Variants in PLEKHM1 observed in about 807,000 individuals in gnomAD.
PLEKHM1 encodes pleckstrin homology domain-containing family M member 1.
A neutral mutation model predicts 94.3 loss-of-function variants in PLEKHM1; 28 were observed. That is an observed-to-expected ratio of 0.30 (90% CI 0.22 to 0.41). PLEKHM1 has a LOEUF of 0.41. Ranked by LOEUF, PLEKHM1 falls within the 10% of genes least tolerant of loss-of-function variation. The pLI is 1.00. For missense variants in PLEKHM1, 907 were observed against 1,358.6 expected (o/e 0.67, Z 5.22); for synonymous variants, 424 against 581.2 (o/e 0.73, Z 3.89).
chr17:45,442,236 A>C (rs1474797861), intron 9 of PLEKHM1, among the ~76,000 whole-genome samples: 2 of 151,538 alleles, frequency 1.3e-5, no homozygotes, highest in East Asian at 1.9e-4. Context: ...CTCCTCCCTG[A>C]CTCCCTGACA....
rs958850744 is a variant in PLEKHM1 at position 45,453,086 on chromosome 17, G to A, written c.2497+269C>T. The A allele has an allele frequency of 2.8e-5, 17 of 598,522 alleles. No homozygotes were observed. Among genetic ancestry groups the A allele is most frequent in the East Asian group, 1.1e-4 (4 of 35,768 alleles). The allele number at this position is 598,522 out of a possible 1,614,324, so 37.1% of individuals were successfully genotyped here. ...AGCAGGCTGGGACTCCCTGAGCAGC[G>A]CAGTGAGTAGCCAGCCTGCCGCCCA... On this transcript the variant is annotated intron_variant, in intron 7 of 11. Coordinates refer to ENST00000430334, the MANE Select transcript of PLEKHM1 (RefSeq NM_014798.3). The surrounding 1 kb of genome is among the most constrained non-coding windows in gnomAD (Gnocchi z 4.1).
Position 45,440,229 on chromosome 17 carries a change from T to C in PLEKHM1, c.2838-3A>G, listed in dbSNP as rs1186108288. ...AGAGATAATTCCTGTGGTTGAGCCT[T>C]CAAACAAAACACAAGCGATTCTTTA... is the stretch of plus-strand genomic sequence containing the variant. On this transcript the variant is annotated splice_region_variant and splice_polypyrimidine_tract_variant and intron_variant, in intron 9 of 11. Transcript: ENST00000430334. The C allele has an allele frequency of 6.2e-7, 1 of 1,613,872 alleles. No individual in the cohort carries two copies. The highest frequency in any genetic ancestry group is 2.2e-5 in the East Asian group (1 of 44,892).
intron 1 of PLEKHM1, among the ~76,000 whole-genome samples, chr17:45,488,924 A>G (rs1284066741): frequency 2.6e-5 from 4 of 152,220 alleles, no homozygotes; most frequent in Non-Finnish European, 5.9e-5. Flanking sequence ...GGGGAACAAG[A>G]GTAAACTCCG....
chr17:45,453,274 G>A lies in PLEKHM1; in HGVS notation c.2497+81C>T, dbSNP rs2050826673. On this transcript the variant is annotated intron_variant, in intron 7 of 11. Transcript: ENST00000430334. This position sits in a 1 kb window ranked among gnomAD's most constrained non-coding sequence, Gnocchi z 4.1. ...TGGGGGCATTTGCGGGGAGGCAGAA[G>A]GGTGGGGAGCCTAAATCAGGAACCA... The A allele has an allele frequency of 7.0e-7, 1 of 1,438,132 alleles. No homozygotes were observed. The allele number at this position is 1,438,132 out of a possible 1,614,324, so 89.1% of individuals were successfully genotyped here.
intron 5 of PLEKHM1, among the ~76,000 whole-genome samples, chr17:45,466,393 T>C (rs1349619094): frequency 6.6e-6 from 1 of 152,128 alleles, no homozygotes; most frequent in Non-Finnish European, 1.5e-5. Flanking sequence ...ACAAAAAGAC[T>C]GATAAACTGC....
chr17:45,487,283 G>A (rs2052159825), intron 1 of PLEKHM1, among the ~76,000 whole-genome samples: 3 of 152,156 alleles, frequency 2.0e-5, no homozygotes, highest in Admixed American at 2.0e-4. Context: ...TCCCGTGAGA[G>A]AGTGATTATC....
chr17:45,437,555 C>G lies in PLEKHM1; in HGVS notation c.*303G>C. Reference sequence around the variant, plus strand: ...TTCCACAGTGTTTGGGCAGCCCTAACGGAGGCGCCGGGACGCTGGTGAGCC... The same window carrying G: ...TTCCACAGTGTTTGGGCAGCCCTAAGGGAGGCGCCGGGACGCTGGTGAGCC... On this transcript the variant is annotated 3_prime_UTR_variant, in exon 12 of 12. Coordinates refer to ENST00000430334, the MANE Select transcript of PLEKHM1 (RefSeq NM_014798.3). This position sits in a 1 kb window ranked among gnomAD's most constrained non-coding sequence, Gnocchi z 4.0. 3 of 616,572 alleles carry G rather than the reference C, an allele frequency of 4.9e-6. No homozygotes were observed. Among genetic ancestry groups the G allele is most frequent in the African/African-American group, 1.8e-5 (1 of 55,540 alleles). The allele number at this position is 616,572 out of a possible 1,614,324, so 38.2% of individuals were successfully genotyped here. A position where few individuals can be genotyped will look rare whatever the true frequency, so the allele number is the denominator to read the frequency against.
intron 4 of PLEKHM1, among the ~76,000 whole-genome samples, chr17:45,474,424 T>C (rs1160217431): frequency 6.6e-6 from 1 of 152,186 alleles, no homozygotes; most frequent in Admixed American, 6.5e-5. Flanking sequence ...CTAGTTCATC[T>C]GCCCCACATA....
intron 1 of PLEKHM1, among the ~76,000 whole-genome samples, chr17:45,489,781 G>A (rs1272832360): frequency 2.0e-5 from 3 of 152,294 alleles, no homozygotes; most frequent in Admixed American, 1.3e-4. Context: ...AGGCGACTCT[G>A]CACTAAGTTC....
chr17:45,446,257 C>T (rs936210964), intron 8 of PLEKHM1: 1 of 157,690 alleles, frequency 6.3e-6, no homozygotes, highest in Non-Finnish European at 1.4e-5. Context: ...GGCCCTGATC[C>T]TAATACCAAT....
chr17:45,486,137 A>T (rs1469994069), intron 1 of PLEKHM1, among the ~76,000 whole-genome samples: 1 of 147,282 alleles, frequency 6.8e-6, no homozygotes, highest in Non-Finnish European at 1.5e-5. Flanking sequence ...GAATGGCGTG[A>T]ACCTGGGAGG....
At chr17:45,481,917 A>G (rs2051965707) in intron 2 of PLEKHM1, among the ~76,000 whole-genome samples, 1 of 152,268 alleles carries the variant, frequency 6.6e-6, no homozygotes, top group East Asian at 1.9e-4. Context: ...TGCCTCTCCA[A>G]GAGAACAGAG....
chr17:45,466,874 A>T (rs551875800), intron 5 of PLEKHM1, among the ~76,000 whole-genome samples: 181 of 152,252 alleles, frequency 1.2e-3, no homozygotes, highest in African/African-American at 4.0e-3. Flanking sequence ...TAGCAATTCC[A>T]TTCCCAGGTA....
chr17:45,439,650 A>G lies in PLEKHM1; in HGVS notation c.2902-16T>C. The G allele has an allele frequency of 6.2e-7, 1 of 1,613,918 alleles. No homozygotes were observed. The highest frequency in any genetic ancestry group is 8.5e-7 in the Non-Finnish European group (1 of 1,179,904). ...CGTCTGCGATCTGCGGAGGGCAAGTAGGAATCCTTCATACACCCCGTCTGC... is the reference window on the plus strand; with the variant it reads ...CGTCTGCGATCTGCGGAGGGCAAGTGGGAATCCTTCATACACCCCGTCTGC... On this transcript the variant is annotated splice_polypyrimidine_tract_variant and intron_variant, in intron 10 of 11. Transcript: ENST00000430334.
chr17:45,481,715 T>C (rs985771074), intron 2 of PLEKHM1, among the ~76,000 whole-genome samples: 7 of 149,958 alleles, frequency 4.7e-5, no homozygotes, highest in Non-Finnish European at 8.9e-5. Flanking sequence ...GAAAGCCAGC[T>C]GGGAAACAGG....
intron 6 of PLEKHM1, among the ~76,000 whole-genome samples, chr17:45,455,357 T>C (rs1268294089): frequency 1.3e-5 from 2 of 151,924 alleles, no homozygotes; most frequent in East Asian, 3.9e-4. Context: ...CAGATGTCAG[T>C]CCTGGGTCCT....
In PLEKHM1 at chr17:45,436,362, G is replaced by A. The variant is rs1159411979; in HGVS notation, c.*1496C>T. Reference sequence around the variant, plus strand: ...GTGCCATGACCGGGAGAAGCTGTGCGCAGCCTCCACCTGCCTGCCACCGTT... The same window carrying A: ...GTGCCATGACCGGGAGAAGCTGTGCACAGCCTCCACCTGCCTGCCACCGTT... On this transcript the variant is annotated 3_prime_UTR_variant, in exon 12 of 12. Coordinates refer to ENST00000430334, the MANE Select transcript of PLEKHM1 (RefSeq NM_014798.3). 6 of 454,130 alleles carry A rather than the reference G, an allele frequency of 1.3e-5. No homozygotes were observed. The Admixed American group carries it at 1.4e-4, about 11-fold the overall frequency. The allele number at this position is 454,130 out of a possible 1,614,324, so 28.1% of individuals were successfully genotyped here.
At chr17:45,477,737 G>C in intron 3 of PLEKHM1, 163 bp downstream of exon 3, 1 of 783,040 alleles carries the variant, frequency 1.3e-6, no homozygotes, top group East Asian at 2.7e-5. Context: ...TTGGTCTAGA[G>C]ATAAGCCTTT....
intron 5 of PLEKHM1, among the ~76,000 whole-genome samples, chr17:45,460,618 G>A (rs1442804051): frequency 1.3e-5 from 2 of 152,142 alleles, no homozygotes; most frequent in Middle Eastern, 3.2e-3. Flanking sequence ...GTACAGTGGC[G>A]CAATCAGGGC....
Sources: allele counts gnomAD v4.1 joint callset (sites outside exome capture counted in the v4.1 genomes callset), GRCh38; gene constraint gnomAD v4.1.1; non-coding constraint Gnocchi (gnomAD v3.1); transcripts MANE v1.5; gene names NCBI Gene and HGNC (gene_info 2026-07-23, HGNC 2026-07-21).